Variants in STAG1 observed in about 807,000 individuals in gnomAD.
STAG1 encodes the protein STAG1 cohesin complex component.
STAG1 carries 26 observed loss-of-function variants against 170.9 expected under a neutral mutation model. That is an observed-to-expected ratio of 0.15 (90% CI 0.11 to 0.21). The LOEUF (loss-of-function observed/expected upper bound fraction) is 0.21, where lower values mean the gene tolerates loss of function less well. Among genes scored for constraint, STAG1 ranks in the 10% least tolerant of loss-of-function variants. The probability of loss-of-function intolerance (pLI) is 1.00; values close to 1 mark genes in which losing one functional copy is unlikely to be tolerated. For missense variants in STAG1, 964 were observed against 1,509.5 expected (o/e 0.64, Z 5.99); for synonymous variants, 514 against 497.7 (o/e 1.03, Z -0.44).
intron 1 of STAG1, among the ~76,000 whole-genome samples, chr3:136,664,885 A>G (rs1941701934): frequency 6.6e-6 from 1 of 152,230 alleles, no homozygotes; most frequent in South Asian, 2.1e-4. Flanking sequence ...CCTGAGGAAA[A>G]AGAAAAGATA....
At chr3:136,342,502 T>G (rs1041104720) in intron 30 of STAG1, among the ~76,000 whole-genome samples, 3 of 150,518 alleles carry the variant, frequency 2.0e-5, no homozygotes, top group African/African-American at 7.3e-5. Flanking sequence ...GGTGGTGGTG[T>G]TGAGACAGAG....
At chr3:136,644,730 T>C (rs1185435049) in intron 1 of STAG1, among the ~76,000 whole-genome samples, 1 of 152,120 alleles carries the variant, frequency 6.6e-6, no homozygotes, top group Non-Finnish European at 1.5e-5. Context: ...TTTTTTCTGC[T>C]TTTATTTTTT....
intron 15 of STAG1, among the ~76,000 whole-genome samples, chr3:136,436,342 C>A (rs567161106): frequency 6.6e-6 from 1 of 151,740 alleles, no homozygotes; most frequent in South Asian, 2.1e-4. Context: ...AGTACAGTGG[C>A]GTGATCTCGG....
intron 1 of STAG1, among the ~76,000 whole-genome samples, chr3:136,739,287 G>C (rs759994148): frequency 2.0e-5 from 3 of 152,010 alleles, no homozygotes; most frequent in Non-Finnish European, 4.4e-5. Flanking sequence ...GGAAGCCAAG[G>C]CTGGGGGACT....
At chr3:136,489,706 G>A (rs1166677327) in intron 9 of STAG1, among the ~76,000 whole-genome samples, 1 of 152,126 alleles carries the variant, frequency 6.6e-6, no homozygotes, top group Non-Finnish European at 1.5e-5. Context: ...GTATGAAATA[G>A]CATAGGGAGA....
intron 26 of STAG1, among the ~76,000 whole-genome samples, chr3:136,360,771 T>C (rs112117318): frequency 1.2e-3 from 177 of 152,116 alleles, no homozygotes; most frequent in African/African-American, 2.5e-3. Context: ...TGGGTTCATG[T>C]CATTCTCCTG....
intron 1 of STAG1, among the ~76,000 whole-genome samples, chr3:136,657,462 T>C (rs563572977): frequency 2.0e-5 from 3 of 152,068 alleles, no homozygotes; most frequent in South Asian, 4.2e-4. Context: ...AGTGCTGGGA[T>C]TACAGGCATA....
intron 12 of STAG1, among the ~76,000 whole-genome samples, chr3:136,466,785 T>A (rs1471936094): frequency 2.6e-5 from 4 of 152,180 alleles, no homozygotes; most frequent in Admixed American, 1.3e-4. Context: ...GGGAAGCCCA[T>A]CAGACTAACA....
intron 1 of STAG1, among the ~76,000 whole-genome samples, chr3:136,668,103 G>GTGCC (rs1428788284): frequency 6.6e-6 from 1 of 151,720 alleles, no homozygotes; most frequent in Non-Finnish European, 1.5e-5. Context: ...ATGGTGGCAT[G>GTGCC]TGCCTGTAAT....
At chr3:136,546,184 A>G (rs1214694710) in intron 5 of STAG1, among the ~76,000 whole-genome samples, 4 of 152,214 alleles carry the variant, frequency 2.6e-5, no homozygotes, top group Non-Finnish European at 5.9e-5. Context: ...AAGAACTATT[A>G]AAATAAGTTC....
At chr3:136,563,664 C>CA (rs1331390489) in intron 5 of STAG1, among the ~76,000 whole-genome samples, 1 of 133,536 alleles carries the variant, frequency 7.5e-6, no homozygotes, top group African/African-American at 2.8e-5. Context: ...AAAAAAAAAA[C>CA]AACAACAACA....
intron 22 of STAG1, among the ~76,000 whole-genome samples, chr3:136,381,525 CA>C (rs1937960761): frequency 6.6e-6 from 1 of 151,984 alleles, no homozygotes; most frequent in African/African-American, 2.4e-5. Context: ...AGAGCACTTT[CA>C]ATGGAGTTAT....
intron 7 of STAG1, among the ~76,000 whole-genome samples, chr3:136,508,389 T>G (rs956660732): frequency 6.6e-6 from 1 of 152,144 alleles, no homozygotes; most frequent in Non-Finnish European, 1.5e-5. Context: ...GCCTCAAGGC[T>G]GCAACATAAA....
chr3:136,429,941 A>G (rs1457873426), intron 16 of STAG1: 1 of 152,222 alleles, frequency 6.6e-6, no homozygotes, highest in Non-Finnish European at 1.5e-5. Flanking sequence ...TGTATAATAC[A>G]TATTACATAC....
At chr3:136,341,204 T>G (rs1027020178) in intron 31 of STAG1, among the ~76,000 whole-genome samples, 1 of 152,218 alleles carries the variant, frequency 6.6e-6, no homozygotes, top group African/African-American at 2.4e-5. Context: ...CCACCGCGCC[T>G]AGCCAGCACA....
intron 1 of STAG1, among the ~76,000 whole-genome samples, chr3:136,729,642 G>A (rs1406370598): frequency 1.4e-5 from 2 of 144,652 alleles, no homozygotes; most frequent in Admixed American, 1.4e-4. Context: ...ACATGATCTC[G>A]GCTCACTGAA....
chr3:136,512,180 T>C (rs1391479420), intron 7 of STAG1, among the ~76,000 whole-genome samples: 5 of 148,374 alleles, frequency 3.4e-5, no homozygotes, highest in Non-Finnish European at 7.4e-5. Flanking sequence ...TGATGGCACA[T>C]GCCTGTAGTC....
chr3:136,631,294 G>GAATTATTATT (rs1559919871), intron 1 of STAG1, among the ~76,000 whole-genome samples: 1 of 152,202 alleles, frequency 6.6e-6, no homozygotes, highest in Non-Finnish European at 1.5e-5. Context: ...ATTAAGTAAA[G>GAATTATTATT]AAGCCAATCT....
At chr3:136,478,871 C>T (rs2089835740) in intron 9 of STAG1, among the ~76,000 whole-genome samples, 1 of 152,122 alleles carries the variant, frequency 6.6e-6, no homozygotes. Context: ...CCTGGTTCTG[C>T]TATTTACTAG....
Sources: gnomAD v4.1 joint callset for allele counts (sites outside exome capture counted in the v4.1 genomes callset) on GRCh38, gnomAD v4.1.1 for gene constraint, MANE v1.5 for transcripts, NCBI Gene and HGNC (gene_info 2026-07-23, HGNC 2026-07-21) for gene names.